PACRG: variants seen among roughly 807,000 people sequenced by gnomAD.
The protein encoded by PACRG is parkin coregulated gene protein.
Under a neutral mutation model 29.7 loss-of-function variants are expected in PACRG, and 29 were observed. The observed-to-expected ratio is 0.98, with a 90% confidence interval of 0.73 to 1.33. The LOEUF (loss-of-function observed/expected upper bound fraction) is 1.33, where lower values mean the gene tolerates loss of function less well. Ranked by LOEUF, PACRG falls within the 40% of genes most tolerant of loss-of-function variation. The pLI, the probability that PACRG is intolerant of heterozygous loss-of-function variation, is 0.00. For synonymous variants in PACRG, 116 were observed against 118.7 expected (o/e 0.98, Z 0.15); for missense variants, 279 against 316.2 (o/e 0.88, Z 0.89).
chr6:163,274,720 C>T (rs534627979), intron 4 of PACRG, among the ~76,000 whole-genome samples: 36 of 152,256 alleles, frequency 2.4e-4, no homozygotes, highest in Non-Finnish European at 4.4e-4. Context: ...TAATGATCAC[C>T]GTTCTGTTGT....
At chr6:162,955,568 G>A (rs2128136370) in intron 2 of PACRG, among the ~76,000 whole-genome samples, 1 of 152,266 alleles carries the variant, frequency 6.6e-6, no homozygotes, top group Non-Finnish European at 1.5e-5. Context: ...CAAAGTGCTG[G>A]GATTACAGGT....
chr6:163,087,720 G>C (rs1157389265), intron 3 of PACRG, among the ~76,000 whole-genome samples: 1 of 151,252 alleles, frequency 6.6e-6, no homozygotes, highest in Non-Finnish European at 1.5e-5. Flanking sequence ...ACCAGGACTG[G>C]AGCAGAGAGG....
intron 2 of PACRG, among the ~76,000 whole-genome samples, chr6:163,009,527 G>A (rs949846583): frequency 3.9e-5 from 6 of 152,196 alleles, no homozygotes; most frequent in Non-Finnish European, 8.8e-5. Context: ...AAATCACTTA[G>A]ATCTTCCCAT....
intron 2 of PACRG, among the ~76,000 whole-genome samples, chr6:162,875,201 G>A (rs563092587): frequency 2.3e-4 from 33 of 141,938 alleles, no homozygotes; most frequent in African/African-American, 7.6e-4. Flanking sequence ...ACACATCCAC[G>A]CACATTCACA....
intron 2 of PACRG, among the ~76,000 whole-genome samples, chr6:162,925,028 A>G (rs975036583): frequency 6.6e-6 from 1 of 152,166 alleles, no homozygotes; most frequent in Non-Finnish European, 1.5e-5. Context: ...AGAGAACACT[A>G]TAAACATCTC....
chr6:162,756,697 T>A (rs969552552), intron 1 of PACRG, among the ~76,000 whole-genome samples: 1 of 152,280 alleles, frequency 6.6e-6, no homozygotes, highest in African/African-American at 2.4e-5. Flanking sequence ...AAATTTTTTT[T>A]ATTGTTGTTT....
chr6:163,236,044 A>G (rs1271488848), intron 4 of PACRG, among the ~76,000 whole-genome samples: 1 of 152,148 alleles, frequency 6.6e-6, no homozygotes, highest in Non-Finnish European at 1.5e-5. Flanking sequence ...GCATTTATTT[A>G]TCTGAAAAAA....
chr6:162,946,701 G>C (rs116648872), intron 2 of PACRG, among the ~76,000 whole-genome samples: 7 of 151,570 alleles, frequency 4.6e-5, no homozygotes, highest in Admixed American at 2.6e-4. Context: ...ACTACAGACC[G>C]GATGAACATA....
intron 1 of PACRG, among the ~76,000 whole-genome samples, chr6:162,760,886 T>G (rs1782303545): frequency 6.6e-6 from 1 of 152,118 alleles, no homozygotes; most frequent in African/African-American, 2.4e-5. Flanking sequence ...TTTGCAGTGG[T>G]TGAGGCAAAA....
chr6:163,131,306 T>C (rs1474324742), intron 4 of PACRG, among the ~76,000 whole-genome samples: 3 of 135,390 alleles, frequency 2.2e-5, no homozygotes, highest in African/African-American at 9.0e-5. Flanking sequence ...AGCGAGACTC[T>C]GTCTCAAACA....
chr6:163,246,916 T>C (rs1782719640), intron 4 of PACRG, among the ~76,000 whole-genome samples: 1 of 152,192 alleles, frequency 6.6e-6, no homozygotes, highest in Non-Finnish European at 1.5e-5. Flanking sequence ...GAATAAGACT[T>C]TTCCTAAGAT....
At chr6:162,951,042 T>G (rs1250632584) in intron 2 of PACRG, among the ~76,000 whole-genome samples, 2 of 152,230 alleles carry the variant, frequency 1.3e-5, no homozygotes. Context: ...GAATCTTGTA[T>G]GTAACACAGA....
At chr6:162,990,440 T>C (rs1803349972) in intron 2 of PACRG, among the ~76,000 whole-genome samples, 1 of 149,724 alleles carries the variant, frequency 6.7e-6, no homozygotes. Context: ...CTAACTGGTG[T>C]GAGATGATAT....
At chr6:163,209,727 A>T (rs867538131) in intron 4 of PACRG, among the ~76,000 whole-genome samples, 2 of 152,360 alleles carry the variant, frequency 1.3e-5, no homozygotes, top group South Asian at 4.1e-4. Flanking sequence ...CCATAATTTG[A>T]TGTAAAGCAT....
intron 1 of PACRG, among the ~76,000 whole-genome samples, chr6:162,733,036 A>G (rs1011909642): frequency 4.6e-5 from 7 of 152,316 alleles, no homozygotes; most frequent in Middle Eastern, 3.4e-3. Context: ...CCTTCTCCCT[A>G]CATATCTGCA....
intron 2 of PACRG, among the ~76,000 whole-genome samples, chr6:162,918,604 G>T (rs533370693): frequency 6.6e-6 from 1 of 152,194 alleles, no homozygotes; most frequent in Non-Finnish European, 1.5e-5. Context: ...GTGTTTCTAG[G>T]TATGATAATG....
chr6:163,101,381 A>G, intron 4 of PACRG: 3 of 978,006 alleles, frequency 3.1e-6, no homozygotes, highest in Non-Finnish European at 3.6e-6. Context: ...TGAGGAGTTC[A>G]TAGTTTTTCT....
intron 4 of PACRG, chr6:163,166,407 G>A: frequency 3.1e-6 from 1 of 323,258 alleles, no homozygotes; most frequent in Middle Eastern, 4.4e-4. Flanking sequence ...TAGACGAGGG[G>A]CAGATTAAAC....
intron 2 of PACRG, among the ~76,000 whole-genome samples, chr6:162,933,446 C>T (rs937610536): frequency 5.3e-5 from 8 of 151,754 alleles, no homozygotes; most frequent in African/African-American, 1.9e-4. Flanking sequence ...TATTGAAGTC[C>T]CCAGCTTTTA....
Sources: allele counts gnomAD v4.1 joint callset (sites outside exome capture counted in the v4.1 genomes callset), GRCh38; gene constraint gnomAD v4.1.1; transcripts MANE v1.5; gene names NCBI Gene and HGNC (gene_info 2026-07-23, HGNC 2026-07-21).